Variants in FPGT observed in about 807,000 individuals in gnomAD.
FPGT encodes the protein GDP-L-fucose diphosphorylase.
In FPGT, 41 loss-of-function variants were observed where a neutral mutation model predicts 45.8. The observed-to-expected ratio is 0.90, with a 90% confidence interval of 0.70 to 1.16. The LOEUF (loss-of-function observed/expected upper bound fraction) is 1.16. Ranked by LOEUF, FPGT falls within the 50% of genes most tolerant of loss-of-function variation. The pLI is 0.00. For missense variants in FPGT, 755 were observed against 689.1 expected (o/e 1.10, Z -1.07); for synonymous variants, 292 against 247.2 (o/e 1.18, Z -1.70).
chr1:74,205,870 A>G lies in FPGT; in HGVS notation c.*38A>G. The G allele has an allele frequency of 3.4e-6, 4 of 1,185,322 alleles. No individual in the cohort carries two copies. The highest frequency in any genetic ancestry group is 4.8e-6 in the Non-Finnish European group (4 of 831,824). The allele number at this position is 1,185,322 out of a possible 1,614,324, so 73.4% of individuals were successfully genotyped here. ...TATTGTACACTTTGCCTTTTTGAGT[A>G]ACATTCCAGAGATAGGTATTTTTTG... On this transcript the variant is annotated 3_prime_UTR_variant, in exon 4 of 4. Coordinates refer to ENST00000370898, the MANE Select transcript of FPGT (RefSeq NM_003838.5).
chr1:74,206,042 GTA>G lies in FPGT; in HGVS notation c.*212_*213del. On this transcript the variant is annotated 3_prime_UTR_variant, in exon 4 of 4. Coordinates refer to ENST00000370898, the MANE Select transcript of FPGT (RefSeq NM_003838.5). ...AGAAAAGAGATACTATTTTGGATGT[GTA>G]TCAGTATTTTTGTTTTTAATAATGA... is the stretch of plus-strand genomic sequence containing the variant. 1 of 394,582 alleles carries G rather than the reference GTA, an allele frequency of 2.5e-6. No individual in the cohort carries two copies. Among genetic ancestry groups the G allele is most frequent in the Non-Finnish European group, 4.5e-6 (1 of 222,638 alleles). 24.4% of individuals were successfully genotyped at this position (394,582 alleles called of 1,614,324 possible).
At chr1:74,200,493 A>ATTTC (rs1651687707) in intron 2 of FPGT, among the ~76,000 whole-genome samples, 1 of 102,110 alleles carries the variant, frequency 9.8e-6, no homozygotes, top group African/African-American at 3.6e-5. Context: ...TACTGTTATT[A>ATTTC]TTTCTTTTTT....
At chr1:74,200,521 T>C (rs1434530356) in intron 2 of FPGT, among the ~76,000 whole-genome samples, 2 of 144,874 alleles carry the variant, frequency 1.4e-5, no homozygotes, top group Admixed American at 7.0e-5. Flanking sequence ...TTTTTTTTTT[T>C]TGAGAAGGAG....
At position 74,198,407 on chromosome 1, in the gene FPGT, G is replaced by T. The variant is rs778386034; in HGVS notation, c.82+47G>T. 3 of 1,604,016 alleles carry T rather than the reference G, an allele frequency of 1.9e-6. No individual in the cohort carries two copies. In the Admixed American group the frequency reaches 5.1e-5, roughly 27 times the overall value. On this transcript the variant is annotated intron_variant, in intron 1 of 3. Coordinates refer to ENST00000370898, the MANE Select transcript of FPGT (RefSeq NM_003838.5). ...TTCTCCTGGGCAATGCAGAGGGAGGGTGCTTTTACGTGCCAGGAGGTTTGC... is the reference window on the plus strand; with the variant it reads ...TTCTCCTGGGCAATGCAGAGGGAGGTTGCTTTTACGTGCCAGGAGGTTTGC...
rs1025774765 is a variant in FPGT at position 74,207,226 on chromosome 1, T to A, written c.*1394T>A. 3 of 152,236 alleles carry A rather than the reference T, an allele frequency of 2.0e-5. No individual in the cohort carries two copies. Among genetic ancestry groups the A allele is most frequent in the Admixed American group, 2.0e-4 (3 of 15,296 alleles). 9.4% of individuals were successfully genotyped at this position (152,236 alleles called of 1,614,324 possible). A position where few individuals can be genotyped will look rare whatever the true frequency, so the allele number is the denominator to read the frequency against. ...AACACAATAAAACATGACACTGCTT[T>A]TTTTGTTACTTGAAATTTTCATATT... On this transcript the variant is annotated 3_prime_UTR_variant, in exon 4 of 4. Transcript: ENST00000370898.
Position 74,205,111 on chromosome 1 carries a change from A to T in FPGT, c.1064A>T (p.Lys355Ile), listed in dbSNP as rs767737331. The change falls in exon 4 of 4, where the codon AAA becomes ATA. Residue 355 changes from lysine (K) to isoleucine (I), a missense_variant. Physicochemically the swap from Lys to Ile is moderately radical, Grantham distance 102. Transcript: ENST00000370898. ...AATGTTGTTGTTCTTAATAACTCCA[A>T]ATTTTATCACATTGGAACAACCGAA... The part of the protein sequence containing the change: ...SLNVVVLNNS[K>I]FYHIGTTEEY... 3 of 1,613,850 alleles carry T rather than the reference A, an allele frequency of 1.9e-6. No individual in the cohort carries two copies. The highest frequency in any genetic ancestry group is 2.5e-6 in the Non-Finnish European group (3 of 1,179,794).
intron 3 of FPGT, among the ~76,000 whole-genome samples, 195 bp from the exon 4 acceptor site, chr1:74,204,196 C>T (rs1652064112): frequency 6.6e-6 from 1 of 152,048 alleles, no homozygotes; most frequent in Admixed American, 6.6e-5. Context: ...TATCAAATGG[C>T]AACAAGAAAA....
At position 74,205,175 on chromosome 1, in the gene FPGT, G is replaced by T; in HGVS notation, c.1128G>T (p.Lys376Asn). Reference protein sequence around the residue: ...LFYFTSDNSLKSELGLQSITF... With the variant: ...LFYFTSDNSLNSELGLQSITF... ...ACTTTACCTCAGATAACAGTTTAAA[G>T]TCAGAGCTCGGCTTACAGTCCATAA... The change falls in exon 4 of 4, where the codon AAG (lysine) becomes AAT (asparagine). Residue 376 changes from lysine to asparagine, a missense_variant. Physicochemically the swap from Lys to Asn is moderately conservative, Grantham distance 94. Transcript: ENST00000370898. 1 of 1,613,938 alleles carries T rather than the reference G, an allele frequency of 6.2e-7. No individual in the cohort carries two copies.
chr1:74,204,392 T>A lies in FPGT; in HGVS notation c.345T>A (p.Gly115=). 2 of 1,553,628 alleles carry A rather than the reference T, an allele frequency of 1.3e-6. No homozygotes were observed. The highest frequency in any genetic ancestry group is 1.7e-6 in the Non-Finnish European group (2 of 1,153,616). ...GGTTATTTCGTTTTAATTTTATAGG[T>A]GGCTACAGTCAACGACTTCCAAATG... is the stretch of plus-strand genomic sequence containing the variant. ...NSFTILLIHS[G]GYSQRLPNAS... is the part of the protein sequence containing the mutation. Residue 115 remains glycine, a splice_region_variant and synonymous_variant, in exon 4 of 4, where the codon GGT becomes GGA. Coordinates refer to ENST00000370898, the MANE Select transcript of FPGT (RefSeq NM_003838.5).
In FPGT at chr1:74,204,423, G is replaced by A. The variant is rs2100776598; in HGVS notation, c.376G>A (p.Ala126Thr). The A allele has an allele frequency of 6.3e-7, 1 of 1,594,926 alleles. No homozygotes were observed. The highest frequency in any genetic ancestry group is 1.1e-5 in the South Asian group (1 of 88,018). ...GYSQRLPNAS[A>T]LGKIFTALPL... ...CAGTCAACGACTTCCAAATGCAAGT[G>A]CTCTGGGAAAAATTTTCACTGCTTT... The change falls in exon 4 of 4, where the codon GCT becomes ACT. Residue 126 changes from alanine to threonine, a missense_variant. Coordinates refer to ENST00000370898, the MANE Select transcript of FPGT (RefSeq NM_003838.5).
intron 1 of FPGT, 117 bp from the exon 2 acceptor site, chr1:74,199,547 A>G (rs1651570091): frequency 1.8e-6 from 2 of 1,130,950 alleles, no homozygotes; most frequent in East Asian, 2.5e-5. Context: ...CCAAAGATAC[A>G]TTTTGGAAGA....
In FPGT at chr1:74,205,828, T is replaced by G. The variant is rs754270559; in HGVS notation, c.1781T>G (p.Met594Arg). The change falls in exon 4 of 4, where the codon ATG (methionine) becomes AGG (arginine). Residue 594 changes from methionine to arginine, a missense_variant. By Grantham distance (91) the Met-to-Arg change is moderately conservative. Coordinates refer to ENST00000370898, the MANE Select transcript of FPGT (RefSeq NM_003838.5). Reference protein sequence around the residue: ...FLEISLKSSLM With the variant: ...FLEISLKSSLR Reference sequence around the variant, plus strand: ...GAAATCAGTTTAAAAAGCAGTTTGATGTAGAGATATTTTAAATATTGTACA... The same window carrying G: ...GAAATCAGTTTAAAAAGCAGTTTGAGGTAGAGATATTTTAAATATTGTACA... The G allele has an allele frequency of 1.7e-5, 26 of 1,516,110 alleles. No individual in the cohort carries two copies. The East Asian group carries it at 1.8e-4, about 11-fold the overall frequency. The allele number at this position is 1,516,110 out of a possible 1,614,324, so 93.9% of individuals were successfully genotyped here.
intron 3 of FPGT, among the ~76,000 whole-genome samples, chr1:74,202,408 T>G (rs970219636): frequency 6.6e-6 from 1 of 152,174 alleles, no homozygotes; most frequent in African/African-American, 2.4e-5. Context: ...AGCCTAAAAA[T>G]GTGTAAAACA....
At chr1:74,201,264 A>G in intron 2 of FPGT, 54 bp from the exon 3 acceptor site, 2 of 1,458,614 alleles carry the variant, frequency 1.4e-6, no homozygotes, top group Non-Finnish European at 1.9e-6. Flanking sequence ...GTCATGACAA[A>G]GTTTTAGTAG....
At chr1:74,198,838 T>A (rs1168115446) in intron 1 of FPGT, among the ~76,000 whole-genome samples, 2 of 152,090 alleles carry the variant, frequency 1.3e-5, no homozygotes, top group Non-Finnish European at 2.9e-5. Flanking sequence ...AGAAATTTGT[T>A]ATCAAAAAAT....
In FPGT at chr1:74,204,783, G is replaced by GTCA; in HGVS notation, c.736_737insTCA (p.Gly246delinsValArg). 1.9e-6 allele frequency: 3 copies of GTCA among 1,613,652 alleles called. No individual in the cohort carries two copies. Among genetic ancestry groups the GTCA allele is most frequent in the Middle Eastern group, 1.6e-4 (1 of 6,062 alleles). ...TCAGTTTAATGCTGTGTGTAGACCT[G>GTCA]GAAATTTTTGTCAACAGGACTTTGC... On this transcript the variant is annotated protein_altering_variant, in exon 4 of 4. Coordinates refer to ENST00000370898, the MANE Select transcript of FPGT (RefSeq NM_003838.5).
In FPGT at chr1:74,205,531, T is replaced by C; in HGVS notation, c.1484T>C (p.Val495Ala). The change falls in exon 4 of 4, where the codon GTC becomes GCC. Residue 495 changes from valine (V) to alanine (A), a missense_variant. Val to Ala is a moderately conservative substitution (Grantham distance 64). Coordinates refer to ENST00000370898, the MANE Select transcript of FPGT (RefSeq NM_003838.5). ...SDIKLLQFFG[V>A]CFLSCLDVWN... ...ATAAAGTTACTTCAATTCTTTGGAG[T>C]CTGTTTCCTGTCATGCTTAGATGTT... The C allele has an allele frequency of 6.2e-7, 1 of 1,612,964 alleles. No homozygotes were observed. The highest frequency in any genetic ancestry group is 8.5e-7 in the Non-Finnish European group (1 of 1,179,042).
Position 74,205,610 on chromosome 1 carries a change from T to A in FPGT, c.1563T>A (p.Ser521Arg). The change falls in exon 4 of 4, where the codon AGT becomes AGA. Residue 521 changes from serine (S) to arginine (R), a missense_variant. Coordinates refer to ENST00000370898, the MANE Select transcript of FPGT (RefSeq NM_003838.5). ...ELFSGNKTCL[S>R]LWTARIFPVC... Reference sequence around the variant, plus strand: ...TCTCTGGTAACAAGACATGTCTGAGTTTGTGGACTGCACGCATTTTCCCAG... The same window carrying A: ...TCTCTGGTAACAAGACATGTCTGAGATTGTGGACTGCACGCATTTTCCCAG... The A allele has an allele frequency of 6.2e-7, 1 of 1,613,200 alleles. No homozygotes were observed. Among genetic ancestry groups the A allele is most frequent in the Non-Finnish European group, 8.5e-7 (1 of 1,179,208 alleles).
In FPGT at chr1:74,205,368, A is replaced by G; in HGVS notation, c.1321A>G (p.Ile441Val). Residue 441 changes from isoleucine to valine, a missense_variant, in exon 4 of 4, where the codon ATC (isoleucine) becomes GTC (valine). Ile to Val is a conservative substitution (Grantham distance 29, BLOSUM62 3). Transcript: ENST00000370898. Reference protein sequence around the residue: ...GENCIISGSYILTKAALPAHS... With the variant: ...GENCIISGSYVLTKAALPAHS... ...AAACTGCATTATTAGTGGTTCTTAC[A>G]TCCTAACAAAAGCTGCCCTCCCCGC... 6.2e-7 allele frequency: 1 copy of G among 1,614,166 alleles called. No individual in the cohort carries two copies.
Sources: allele counts gnomAD v4.1 joint callset (sites outside exome capture counted in the v4.1 genomes callset), GRCh38; gene constraint gnomAD v4.1.1; transcripts MANE v1.5; gene names NCBI Gene and HGNC (gene_info 2026-07-23, HGNC 2026-07-21).